Variants in ATAD1 observed in about 807,000 individuals in gnomAD.
The protein encoded by ATAD1 is outer mitochondrial transmembrane helix translocase.
A neutral mutation model predicts 42.7 loss-of-function variants in ATAD1; 18 were observed. The observed-to-expected ratio is 0.42, with a 90% CI of 0.29 to 0.63. The LOEUF (loss-of-function observed/expected upper bound fraction) is 0.63, where lower values mean the gene tolerates loss of function less well. ATAD1 is among the 20% of genes least tolerant of loss of function. The pLI is 0.19. For missense variants in ATAD1, 294 were observed against 440.4 expected, an observed-to-expected ratio of 0.67 and a Z score of 2.98; for synonymous variants, 132 against 143.1, an observed-to-expected ratio of 0.92 and a Z score of 0.55.
chr10:87,839,309 G>A (rs185394940), intron 1 of ATAD1, among the ~76,000 whole-genome samples: 109 of 152,126 alleles, frequency 7.2e-4, no homozygotes, highest in African/African-American at 2.5e-3. Flanking sequence ...GTCCTGTTTG[G>A]GCCAATTATT....
intron 2 of ATAD1, among the ~76,000 whole-genome samples, chr10:87,809,673 T>A (rs1022222577): frequency 2.0e-5 from 3 of 148,760 alleles, no homozygotes; most frequent in Non-Finnish European, 1.5e-5. Flanking sequence ...TTATTTATTT[T>A]GAGATGGAGT....
At chr10:87,827,531 T>C (rs1021073255) in intron 1 of ATAD1, among the ~76,000 whole-genome samples, 1 of 152,246 alleles carries the variant, frequency 6.6e-6, no homozygotes, top group Non-Finnish European at 1.5e-5. Flanking sequence ...ATTCTTGCAA[T>C]ATTTCAAACA....
chr10:87,784,353 T>C lies in ATAD1; in HGVS notation c.583+117A>G, dbSNP rs574700564. 26 of 892,976 alleles carry C rather than the reference T, an allele frequency of 2.9e-5. No individual in the cohort carries two copies. In the East Asian group the frequency reaches 6.3e-4, roughly 22 times the overall value. The allele number at this position is 892,976 out of a possible 1,614,324, so 55.3% of individuals were successfully genotyped here. ...AAATTATACATAGCATATTATGATG[T>C]TGGTTATGTTCTTTGTTTTATTAAC... On this transcript the variant is annotated intron_variant, in intron 5 of 9. Coordinates refer to ENST00000680024, the MANE Select transcript of ATAD1 (RefSeq NM_001321967.2).
Position 87,784,612 on chromosome 10 carries a change from G to A in ATAD1, c.441C>T (p.Ala147=). 1.2e-6 allele frequency: 2 copies of A among 1,613,214 alleles called. No homozygotes were observed. The highest frequency in any genetic ancestry group is 3.6e-4 in the Middle Eastern group (2 of 5,520). ...CGKTLIAKAT[A]KEAGCRFINL... ...TAATAAATCGACAGCCTGCTTCTTT[G>A]GCTGTGGCCTTGGCAATCAACGTTT... The change falls in exon 5 of 10, where the codon GCC becomes GCT. Residue 147 remains alanine (A), a synonymous_variant. Transcript: ENST00000680024.
intron 5 of ATAD1, among the ~76,000 whole-genome samples, chr10:87,781,645 G>T (rs1002790694): frequency 9.7e-5 from 12 of 123,282 alleles, no homozygotes. Flanking sequence ...AAGAGATGAA[G>T]AATTTTTTTT....
intron 8 of ATAD1, among the ~76,000 whole-genome samples, chr10:87,761,498 C>A (rs1352023179): frequency 1.3e-5 from 2 of 151,978 alleles, no homozygotes; most frequent in Non-Finnish European, 2.9e-5. Context: ...CCCATTTCTA[C>A]TAAAAATACA....
At chr10:87,815,766 G>T (rs1022483046) in intron 1 of ATAD1, among the ~76,000 whole-genome samples, 2 of 151,844 alleles carry the variant, frequency 1.3e-5, no homozygotes, top group South Asian at 4.2e-4. Flanking sequence ...CTAATCAAAA[G>T]ACCCCAAAGT....
chr10:87,766,113 T>C (rs1854733984), intron 8 of ATAD1, among the ~76,000 whole-genome samples: 1 of 152,122 alleles, frequency 6.6e-6, no homozygotes, highest in African/African-American at 2.4e-5. Flanking sequence ...CGAAGTTCCA[T>C]AACATTCTGT....
In ATAD1 at chr10:87,793,269, T is replaced by C. The variant is rs192258124; in HGVS notation, c.163-514A>G. 3.5e-4 allele frequency among the ~76,000 whole-genome samples: 53 copies of C among 152,336 alleles called. 1 individual carries two copies. Among genetic ancestry groups the C allele is most frequent in the Non-Finnish European group, 2.6e-4 (18 of 68,022 alleles). On this transcript the variant is annotated intron_variant, in intron 2 of 9. Coordinates refer to ENST00000680024, the MANE Select transcript of ATAD1 (RefSeq NM_001321967.2). ...TATCCCATTTTAAATTGCTCTGTTA[T>C]GCTGTCCCTTTTAGGTAGAAGACAA...
At chr10:87,840,343 G>A (rs1428441831) in intron 1 of ATAD1, among the ~76,000 whole-genome samples, 4 of 152,198 alleles carry the variant, frequency 2.6e-5, no homozygotes, top group African/African-American at 7.2e-5. Flanking sequence ...AAAATTAGCC[G>A]GGTGTTGTGG....
intron 4 of ATAD1, 70 bp downstream of exon 4, chr10:87,790,240 T>C: frequency 6.4e-7 from 1 of 1,561,444 alleles, no homozygotes; most frequent in Non-Finnish European, 8.6e-7. Flanking sequence ...AAACTAGTTC[T>C]ACAATGGCAG....
chr10:87,767,868 C>T (rs1854837359), intron 7 of ATAD1, 145 bp from the exon 8 acceptor site: 1 of 695,938 alleles, frequency 1.4e-6, no homozygotes, highest in East Asian at 2.9e-5. Flanking sequence ...GTCAAAGCAA[C>T]TAGATTCAAG....
intron 1 of ATAD1, among the ~76,000 whole-genome samples, chr10:87,839,704 T>A (rs1301104985): frequency 6.6e-6 from 1 of 152,122 alleles, no homozygotes; most frequent in African/African-American, 2.4e-5. Flanking sequence ...TCTTTCTTTC[T>A]TCCCCCCCGC....
intron 1 of ATAD1, among the ~76,000 whole-genome samples, chr10:87,829,241 AT>A (rs58322990): frequency 0.1 from 14,771 of 148,106 alleles, 904 homozygotes; most frequent in Middle Eastern, 0.19. Context: ...TTTATTATTT[AT>A]TTATTTATTT....
chr10:87,791,481 C>T (rs1476422580), intron 3 of ATAD1, among the ~76,000 whole-genome samples: 1 of 151,494 alleles, frequency 6.6e-6, no homozygotes, highest in Non-Finnish European at 1.5e-5. Flanking sequence ...TTCACTGTAA[C>T]AGCAACAAAA....
At chr10:87,796,776 T>G (rs1856410500) in intron 2 of ATAD1, among the ~76,000 whole-genome samples, 1 of 152,236 alleles carries the variant, frequency 6.6e-6, no homozygotes, top group Non-Finnish European at 1.5e-5. Context: ...GACACCAGCA[T>G]GAGCTAACTT....
At chr10:87,836,654 A>G (rs1288914462) in intron 1 of ATAD1, among the ~76,000 whole-genome samples, 1 of 152,174 alleles carries the variant, frequency 6.6e-6, no homozygotes, top group African/African-American at 2.4e-5. Flanking sequence ...GTGTTTGGGC[A>G]TGAGTTTCTT....
At chr10:87,791,006 G>A (rs56291754) in intron 3 of ATAD1, among the ~76,000 whole-genome samples, 41,460 of 118,620 alleles carry the variant, frequency 0.35, 6,297 homozygotes, top group Middle Eastern at 0.46. Context: ...CAACATGGTT[G>A]AAACCCCGTC....
intron 1 of ATAD1, among the ~76,000 whole-genome samples, chr10:87,816,509 A>T (rs553729481): frequency 6.6e-6 from 1 of 152,178 alleles, no homozygotes; most frequent in Non-Finnish European, 1.5e-5. Context: ...TTGGATATAC[A>T]ATAATTGTTA....
Sources: allele counts gnomAD v4.1 joint callset (sites outside exome capture counted in the v4.1 genomes callset), GRCh38; gene constraint gnomAD v4.1.1; transcripts MANE v1.5; gene names NCBI Gene and HGNC (gene_info 2026-07-23, HGNC 2026-07-21).